Variants in CEP63 observed in about 807,000 individuals in gnomAD.
The protein encoded by CEP63 is centrosomal protein of 63 kDa.
Under a neutral mutation model 89.1 loss-of-function variants are expected in CEP63, and 84 were observed. The observed-to-expected ratio is 0.94, with a 90% CI of 0.79 to 1.13. CEP63 has a LOEUF of 1.13. CEP63 is among the 50% of genes most tolerant of loss of function. The pLI, the probability that CEP63 is intolerant of heterozygous loss-of-function variation, is 0.00. For missense variants in CEP63, 838 were observed against 813.3 expected (o/e 1.03, Z -0.37); for synonymous variants, 267 against 272.5 (o/e 0.98, Z 0.20).
At chr3:134,718,487 G>T in the CEP63 span, among the ~76,000 whole-genome samples, 1 of 152,190 alleles carries the variant, frequency 6.6e-6, no homozygotes, top group East Asian at 1.9e-4. Context: ...TAATTTTATT[G>T]CTTTTTTATT....
rs779129515 is a variant in CEP63, at chr3:134,550,278, C to T, written c.1380+18C>T. 2 of 1,609,942 alleles carry T rather than the reference C, an allele frequency of 1.2e-6. No individual in the cohort carries two copies. The highest frequency in any genetic ancestry group is 1.7e-6 in the Non-Finnish European group (2 of 1,177,124). ...AGCATAAGGTGAAGCCTGAACAAAA[C>T]CTTTTTTAAATTTGAAATTTGTTTT... On this transcript the variant is annotated intron_variant, in intron 11 of 14. Coordinates refer to ENST00000675561, the MANE Select transcript of CEP63 (RefSeq NM_001353108.3).
chr3:134,739,706 T>G, the CEP63 span, among the ~76,000 whole-genome samples: 2 of 151,846 alleles, frequency 1.3e-5, no homozygotes, highest in South Asian at 2.1e-4. Context: ...AATGCTTGTT[T>G]TTTTTTTTTG....
At chr3:134,521,160 A>C (rs965226321) in intron 3 of CEP63, among the ~76,000 whole-genome samples, 1 of 152,162 alleles carries the variant, frequency 6.6e-6, no homozygotes, top group Non-Finnish European at 1.5e-5. Context: ...ACCAGCGAGC[A>C]TGTGAAAAGG....
the CEP63 span, chr3:134,624,948 A>G: frequency 1.0e-6 from 1 of 998,898 alleles, no homozygotes; most frequent in Non-Finnish European, 1.5e-6. Flanking sequence ...CATCCAACCA[A>G]GCCACTCAGG....
chr3:134,655,813 C>A, the CEP63 span, among the ~76,000 whole-genome samples: 1 of 152,174 alleles, frequency 6.6e-6, no homozygotes, highest in African/African-American at 2.4e-5. Flanking sequence ...TGGAAAAATT[C>A]TTTGAGCTCA....
At chr3:134,701,280 A>C in the CEP63 span, among the ~76,000 whole-genome samples, 1 of 2,624 alleles carries the variant, frequency 3.8e-4, no homozygotes, top group Non-Finnish European at 2.1e-3. Flanking sequence ...ATACACACAT[A>C]TATACGTATA....
chr3:134,488,971 C>T (rs1232268448), intron 1 of CEP63, among the ~76,000 whole-genome samples: 2 of 151,986 alleles, frequency 1.3e-5, no homozygotes, highest in African/African-American at 2.4e-5. Context: ...GCCTGACCAA[C>T]ATGGTGAAAC....
At chr3:134,751,435 A>G in the CEP63 span, among the ~76,000 whole-genome samples, 1 of 152,288 alleles carries the variant, frequency 6.6e-6, no homozygotes, top group Non-Finnish European at 1.5e-5. Flanking sequence ...ATGAACCTAC[A>G]TGCTTTTAGT....
the CEP63 span, among the ~76,000 whole-genome samples, chr3:134,649,280 C>A: frequency 6.6e-6 from 1 of 152,126 alleles, no homozygotes; most frequent in African/African-American, 2.4e-5. Context: ...GGAGCCATGG[C>A]GAGTTTGTGC....
the CEP63 span, among the ~76,000 whole-genome samples, chr3:134,670,125 G>T: frequency 6.6e-6 from 1 of 152,138 alleles, no homozygotes; most frequent in African/African-American, 2.4e-5. Flanking sequence ...AGAACTATGA[G>T]AAATAAATTT....
the CEP63 span, among the ~76,000 whole-genome samples, chr3:134,719,905 A>T: frequency 6.6e-6 from 1 of 152,144 alleles, no homozygotes; most frequent in African/African-American, 2.4e-5. Context: ...CCTACTTTTC[A>T]CTTATTATAA....
the CEP63 span, among the ~76,000 whole-genome samples, chr3:134,717,577 G>A: frequency 3.5e-3 from 526 of 152,278 alleles, 5 homozygotes; most frequent in African/African-American, 0.012. Flanking sequence ...CGAGGGCAAA[G>A]ACATAGAGGC....
chr3:134,695,091 G>T, the CEP63 span, among the ~76,000 whole-genome samples: 1 of 152,232 alleles, frequency 6.6e-6, no homozygotes, highest in African/African-American at 2.4e-5. Context: ...ATACCAAAAA[G>T]TTCCAGGTCA....
intron 3 of CEP63, among the ~76,000 whole-genome samples, chr3:134,524,205 A>G (rs1348720369): frequency 6.6e-6 from 1 of 152,150 alleles, no homozygotes; most frequent in Non-Finnish European, 1.5e-5. Flanking sequence ...CATGGTGTAT[A>G]GCAGTGCTGT....
the CEP63 span, among the ~76,000 whole-genome samples, chr3:134,655,703 G>A: frequency 2.6e-5 from 4 of 152,128 alleles, no homozygotes; most frequent in African/African-American, 9.7e-5. Flanking sequence ...TAGTGCCCGA[G>A]CCAAGGAAAA....
chr3:134,518,526 A>G (rs540371763), intron 3 of CEP63, among the ~76,000 whole-genome samples: 38 of 152,358 alleles, frequency 2.5e-4, no homozygotes, highest in African/African-American at 9.1e-4. Flanking sequence ...TAAGCAATAC[A>G]CTTCTAAATA....
the CEP63 span, among the ~76,000 whole-genome samples, chr3:134,715,876 A>G: frequency 1.3e-5 from 2 of 152,132 alleles, no homozygotes; most frequent in African/African-American, 2.4e-5. Flanking sequence ...TCATCTTTAT[A>G]TTTAATTAAA....
At chr3:134,740,539 C>T in the CEP63 span, among the ~76,000 whole-genome samples, 10 of 152,060 alleles carry the variant, frequency 6.6e-5, no homozygotes, top group South Asian at 4.1e-4. Context: ...CCTCGTGATC[C>T]GCCCGCCTTG....
At chr3:134,496,438 G>GGC (rs1940032103) in intron 2 of CEP63, among the ~76,000 whole-genome samples, 1 of 149,394 alleles carries the variant, frequency 6.7e-6, no homozygotes, top group Non-Finnish European at 1.5e-5. Flanking sequence ...AAAAGGGGGG[G>GGC]GGGGCTAAAG....
Sources: gnomAD v4.1 joint callset for allele counts (sites outside exome capture counted in the v4.1 genomes callset) on GRCh38, gnomAD v4.1.1 for gene constraint, MANE v1.5 for transcripts, NCBI Gene and HGNC (gene_info 2026-07-23, HGNC 2026-07-21) for gene names.